GINM1: variants seen among roughly 807,000 people sequenced by gnomAD.
GINM1 encodes the protein glycosylated integral membrane protein 1.
Under a neutral mutation model 37.8 loss-of-function variants are expected in GINM1, and 29 were observed. The observed-to-expected ratio is 0.77, with a 90% CI of 0.57 to 1.05. The LOEUF (loss-of-function observed/expected upper bound fraction) is 1.05. GINM1 is among the 50% of genes least tolerant of loss of function. The pLI, the probability that GINM1 is intolerant of heterozygous loss-of-function variation, is 0.00. For synonymous variants in GINM1, 143 were observed against 146.2 expected (o/e 0.98, Z 0.16); for missense variants, 377 against 397.9 (o/e 0.95, Z 0.45).
intron 3 of GINM1, among the ~76,000 whole-genome samples, chr6:149,575,055 TC>T (rs1777894200): frequency 1.3e-5 from 2 of 152,228 alleles, no homozygotes; most frequent in South Asian, 4.1e-4. Flanking sequence ...AGTCCAATAT[TC>T]ATGTGTGTTT....
chr6:149,583,111 G>C (rs1468289522), intron 7 of GINM1, among the ~76,000 whole-genome samples: 1 of 152,102 alleles, frequency 6.6e-6, no homozygotes, highest in East Asian at 1.9e-4. Context: ...GGTGGATCAT[G>C]AGGTCAAGAG....
intron 3 of GINM1, 96 bp from the exon 4 acceptor site, chr6:149,578,726 G>A (rs1777953675): frequency 4.8e-6 from 4 of 825,496 alleles, no homozygotes; most frequent in Admixed American, 2.8e-5. Context: ...GTTTTCAACT[G>A]TCTTGTTCCA....
At chr6:149,575,426 G>A (rs1206190689) in intron 3 of GINM1, among the ~76,000 whole-genome samples, 1 of 152,198 alleles carries the variant, frequency 6.6e-6, no homozygotes, top group Non-Finnish European at 1.5e-5. Flanking sequence ...TTTCTCCCCT[G>A]CTGGGTGAGA....
Position 149,572,282 on chromosome 6 carries a change from C to G in GINM1, c.121-3C>G. 6.3e-7 allele frequency: 1 copy of G among 1,580,324 alleles called. No individual in the cohort carries two copies. Among genetic ancestry groups the G allele is most frequent in the East Asian group, 2.2e-5 (1 of 44,572 alleles). ...TCCAATTTACACAATACTTGTTTTA[C>G]AGGACGGCATCAGAATTAATGTAAC... On this transcript the variant is annotated splice_region_variant and splice_polypyrimidine_tract_variant and intron_variant, in intron 1 of 7. Transcript: ENST00000367419.
intron 3 of GINM1, among the ~76,000 whole-genome samples, chr6:149,574,381 A>G (rs569211266): frequency 1.1e-4 from 17 of 151,584 alleles, no homozygotes; most frequent in African/African-American, 4.1e-4. Context: ...TCTGTCTTTT[A>G]GTTGGGATTT....
intron 3 of GINM1, among the ~76,000 whole-genome samples, chr6:149,573,613 G>C (rs1777863896): frequency 6.6e-6 from 1 of 152,032 alleles, no homozygotes; most frequent in East Asian, 1.9e-4. Context: ...GGGCATGGCG[G>C]CTCTAGCACT....
intron 7 of GINM1, among the ~76,000 whole-genome samples, chr6:149,586,273 A>T (rs1778069021): frequency 6.6e-6 from 1 of 152,190 alleles, no homozygotes; most frequent in Non-Finnish European, 1.5e-5. Flanking sequence ...CATATCAAGA[A>T]AAGAAGCAAG....
Position 149,582,475 on chromosome 6 carries a change from T to A in GINM1, c.753T>A (p.Asp251Glu), listed in dbSNP as rs1446868688. 4 of 1,609,210 alleles carry A rather than the reference T, an allele frequency of 2.5e-6. No individual in the cohort carries two copies. Among genetic ancestry groups the A allele is most frequent in the Non-Finnish European group, 3.4e-6 (4 of 1,179,086 alleles). The part of the protein sequence containing the change: ...MCQWMEKFRK[D>E]LCRFWSNVFP... Reference sequence around the variant, plus strand: ...AGTGGATGGAAAAGTTTAGAAAAGATCTGTGTAGGTTCTGGAGCAACGTTT... The same window carrying A: ...AGTGGATGGAAAAGTTTAGAAAAGAACTGTGTAGGTTCTGGAGCAACGTTT... Residue 251 changes from aspartate (D) to glutamate (E), a missense_variant, in exon 7 of 8, where the codon GAT becomes GAA. By Grantham distance (45) the Asp-to-Glu change is conservative (BLOSUM62 2). Transcript: ENST00000367419.
In GINM1 at chr6:149,579,278, C is replaced by G. The variant is rs187494954; in HGVS notation, c.429+305C>G. 1.9e-3 allele frequency among the ~76,000 whole-genome samples: 291 copies of G among 152,244 alleles called. 3 individuals are homozygous for G. Among genetic ancestry groups the G allele is most frequent in the African/African-American group, 6.8e-3 (281 of 41,536 alleles). ...CCATTTCCTCTATGGTAAATGAAGT[C>G]TCTGTGTGTAAATGAAGTAGAATCG... On this transcript the variant is annotated intron_variant, in intron 4 of 7. Coordinates refer to ENST00000367419, the MANE Select transcript of GINM1 (RefSeq NM_138785.5).
chr6:149,590,755 G>C lies in GINM1; in HGVS notation c.910G>C (p.Val304Leu). 6.3e-7 allele frequency: 1 copy of C among 1,590,190 alleles called. No individual in the cohort carries two copies. The highest frequency in any genetic ancestry group is 8.6e-7 in the Non-Finnish European group (1 of 1,159,200). The change falls in exon 8 of 8, where the codon GTC (valine) becomes CTC (leucine). Residue 304 changes from valine (V) to leucine (L), a missense_variant. By Grantham distance (32) the Val-to-Leu change is conservative (BLOSUM62 1). Coordinates refer to ENST00000367419, the MANE Select transcript of GINM1 (RefSeq NM_138785.5). ...KGILQLDKVDVIPVTAINLYP... is the reference protein window; with the variant it reads ...KGILQLDKVDLIPVTAINLYP... ...AATTCTTCAGTTGGATAAAGTGGAC[G>C]TCATACCTGTGACAGCTATCAACTT...
intron 1 of GINM1, among the ~76,000 whole-genome samples, chr6:149,567,629 CA>C (rs1245476464): frequency 6.6e-6 from 1 of 151,798 alleles, no homozygotes; most frequent in African/African-American, 2.4e-5. Flanking sequence ...TGAGGGAGCT[CA>C]AAACAAAACA....
At chr6:149,574,336 G>A (rs1777881300) in intron 3 of GINM1, among the ~76,000 whole-genome samples, 2 of 152,046 alleles carry the variant, frequency 1.3e-5, no homozygotes, top group East Asian at 1.9e-4. Flanking sequence ...ACAGGCGTGA[G>A]CCACCGTGCC....
intron 7 of GINM1, among the ~76,000 whole-genome samples, chr6:149,585,593 T>A (rs1230232396): frequency 6.6e-6 from 1 of 152,020 alleles, no homozygotes; most frequent in Non-Finnish European, 1.5e-5. Flanking sequence ...TTTTATTTTT[T>A]ATTTATTTAT....
intron 5 of GINM1, among the ~76,000 whole-genome samples, chr6:149,580,194 G>A (rs1777978676): frequency 6.6e-6 from 1 of 152,104 alleles, no homozygotes; most frequent in South Asian, 2.1e-4. Context: ...AGGACTTTAG[G>A]ACTCTATTTG....
intron 7 of GINM1, chr6:149,584,568 C>T (rs571082356): frequency 1.3e-5 from 2 of 152,268 alleles, no homozygotes; most frequent in South Asian, 4.1e-4. Flanking sequence ...CCTCCCACCT[C>T]TTAGTTTACA....
chr6:149,577,805 T>C (rs1167356411), intron 3 of GINM1, among the ~76,000 whole-genome samples: 1 of 152,186 alleles, frequency 6.6e-6, no homozygotes, highest in African/African-American at 2.4e-5. Flanking sequence ...GACAGGTGCA[T>C]TGGTGTATGT....
chr6:149,585,419 A>G (rs1445164270), intron 7 of GINM1, among the ~76,000 whole-genome samples: 1 of 152,124 alleles, frequency 6.6e-6, no homozygotes, highest in Admixed American at 6.6e-5. Flanking sequence ...ACACTAGATA[A>G]TCATAATTGT....
At chr6:149,574,760 T>G (rs1417158863) in intron 3 of GINM1, among the ~76,000 whole-genome samples, 2 of 152,020 alleles carry the variant, frequency 1.3e-5, no homozygotes, top group Non-Finnish European at 2.9e-5. Context: ...CCCAGCTACT[T>G]AGGAGGCTGA....
chr6:149,582,730 CCTA>C, intron 7 of GINM1, 127 bp downstream of exon 7: 2 of 626,554 alleles, frequency 3.2e-6, no homozygotes, highest in Non-Finnish European at 5.2e-6. Flanking sequence ...GAAAATAACA[CCTA>C]CTGTTTTTCT....
Sources: allele counts gnomAD v4.1 joint callset (sites outside exome capture counted in the v4.1 genomes callset), GRCh38; gene constraint gnomAD v4.1.1; transcripts MANE v1.5; gene names NCBI Gene and HGNC (gene_info 2026-07-23, HGNC 2026-07-21).